DNAH17: variants seen among roughly 807,000 people sequenced by gnomAD.
DNAH17 encodes the protein dynein axonemal heavy chain 17, also known as axonemal beta dynein heavy chain 17.
In DNAH17, 376 loss-of-function variants were observed where a neutral mutation model predicts 485.6. The ratio of observed to expected loss-of-function variants is 0.77; its 90% CI spans 0.71 to 0.84. DNAH17 has a LOEUF of 0.84. DNAH17 is among the 40% of genes least tolerant of loss of function. The pLI, the probability that DNAH17 is intolerant of heterozygous loss-of-function variation, is 0.00. For synonymous variants in DNAH17, 3,031 were observed against 2,405.9 expected, an observed-to-expected ratio of 1.26 and a Z score of -7.60; for missense variants, 6,370 against 5,839.3, an observed-to-expected ratio of 1.09 and a Z score of -2.96.
At chr17:78,491,713 G>T (rs1170261560) in intron 42 of DNAH17, 143 bp from the exon 43 acceptor site, 5 of 1,335,846 alleles carry the variant, frequency 3.7e-6, no homozygotes, top group East Asian at 2.6e-5. Flanking sequence ...GGCATGAGGT[G>T]CCCAGGCTCC....
At chr17:78,500,553 G>A (rs1212697173) in intron 35 of DNAH17, 92 bp from the exon 36 acceptor site, 1 of 1,301,738 alleles carries the variant, frequency 7.7e-7, no homozygotes, top group East Asian at 2.7e-5. Context: ...CTGTCACCCA[G>A]GCTGGAGTGC....
chr17:78,477,645 G>A (rs2089095201), intron 51 of DNAH17, among the ~76,000 whole-genome samples: 1 of 152,156 alleles, frequency 6.6e-6, no homozygotes, highest in Admixed American at 6.5e-5. Flanking sequence ...CCAAAGTGCT[G>A]GGATTACAGG....
intron 16 of DNAH17, among the ~76,000 whole-genome samples, chr17:78,549,234 C>A (rs888086975): frequency 6.6e-6 from 1 of 152,106 alleles, no homozygotes; most frequent in Admixed American, 6.5e-5. Flanking sequence ...TAGGGCCCAC[C>A]CCTGATGAGG....
At chr17:78,520,055 G>A (rs2090895733) in intron 25 of DNAH17, among the ~76,000 whole-genome samples, 1 of 152,066 alleles carries the variant, frequency 6.6e-6, no homozygotes, top group African/African-American at 2.4e-5. Flanking sequence ...AGGTTGCAGT[G>A]AGCCAAAATC....
rs114355601 is a variant in DNAH17, at chr17:78,493,873, G to A, written c.6408+163C>T. The A allele has an allele frequency of 2.5e-3, 2,600 of 1,020,426 alleles. 40 individuals carry two copies. The African/African-American group carries it at 0.036, about 14-fold the overall frequency. The allele number at this position is 1,020,426 out of a possible 1,614,324, so 63.2% of individuals were successfully genotyped here. On this transcript the variant is annotated intron_variant, in intron 41 of 80. Coordinates refer to ENST00000389840, the MANE Select transcript of DNAH17 (RefSeq NM_173628.4). ...GTGGCAGCTCCTCCCCTCCTCCTCGGCCCCCAGCTTCCTCCCTGGCCCATG... is the reference window on the plus strand; with the variant it reads ...GTGGCAGCTCCTCCCCTCCTCCTCGACCCCCAGCTTCCTCCCTGGCCCATG...
At position 78,571,715 on chromosome 17, in the gene DNAH17, G is replaced by T; in HGVS notation, c.607C>A (p.Gln203Lys). ...TCTTTGCTCAGCACATCCCGGATCTGGTGGGACCAGTCGATGATGGTGGTT... is the reference window on the plus strand; with the variant it reads ...TCTTTGCTCAGCACATCCCGGATCTTGTGGGACCAGTCGATGATGGTGGTT... Reference protein sequence around the residue: ...IETTIIDWSHQIRDVLSKDSA... With the variant: ...IETTIIDWSHKIRDVLSKDSA... The change falls in exon 4 of 81, where the codon CAG becomes AAG. Residue 203 changes from glutamine to lysine, a missense_variant. Physicochemically the swap from Gln to Lys is moderately conservative, Grantham distance 53 (BLOSUM62 1). Coordinates refer to ENST00000389840, the MANE Select transcript of DNAH17 (RefSeq NM_173628.4). The T allele has an allele frequency of 6.2e-7, 1 of 1,613,670 alleles. No individual in the cohort carries two copies. Among genetic ancestry groups the T allele is most frequent in the Non-Finnish European group, 8.5e-7 (1 of 1,179,670 alleles).
intron 48 of DNAH17, among the ~76,000 whole-genome samples, chr17:78,483,531 G>C (rs533732020): frequency 6.6e-6 from 1 of 152,180 alleles, no homozygotes. Context: ...TTGGGAGACT[G>C]AGGCAGGAGA....
At position 78,537,419 on chromosome 17, in the gene DNAH17, G is replaced by C; in HGVS notation, c.2739C>G (p.Asn913Lys). ...MELDEDGLTFNPTLEVGSDRG... is the reference protein window; with the variant it reads ...MELDEDGLTFKPTLEVGSDRG... ...GATCTGAGCCCACCTCCAGGGTCGGGTTGAAGGTCAGCCCATCCTCGTCCA... is the reference window on the plus strand; with the variant it reads ...GATCTGAGCCCACCTCCAGGGTCGGCTTGAAGGTCAGCCCATCCTCGTCCA... The change falls in exon 19 of 81, where the codon AAC becomes AAG. Residue 913 changes from asparagine (N) to lysine (K), a missense_variant. Transcript: ENST00000389840. 1 of 1,613,448 alleles carries C rather than the reference G, an allele frequency of 6.2e-7. No individual in the cohort carries two copies. The highest frequency in any genetic ancestry group is 8.5e-7 in the Non-Finnish European group (1 of 1,179,862).
chr17:78,492,690 C>T lies in DNAH17; in HGVS notation c.6484G>A (p.Val2162Ile), dbSNP rs764199004. The change falls in exon 42 of 81, where the codon GTC becomes ATC. Residue 2162 changes from valine to isoleucine, a missense_variant. Physicochemically the swap from Val to Ile is conservative, Grantham distance 29 (BLOSUM62 3). Coordinates refer to ENST00000389840, the MANE Select transcript of DNAH17 (RefSeq NM_173628.4). ...PVAVDLDPKA[V>I]TCDELFGIIN... ...ATGCCAAAGAGCTCGTCGCAGGTGA[C>T]GGCCTTGGGGTCCAGGTCCACGGCG... 3.7e-5 allele frequency: 60 copies of T among 1,613,414 alleles called. No individual in the cohort carries two copies. Among genetic ancestry groups the T allele is most frequent in the Middle Eastern group, 1.6e-4 (1 of 6,062 alleles).
intron 61 of DNAH17, 32 bp from the exon 62 acceptor site, chr17:78,458,712 A>G (rs768559384): frequency 1.3e-6 from 2 of 1,577,642 alleles, no homozygotes; most frequent in South Asian, 2.2e-5. Context: ...CTGCTGGAAA[A>G]CCCCACGAGG....
chr17:78,507,248 T>TC (rs2090510481), intron 29 of DNAH17, 30 bp downstream of exon 29: 1 of 1,611,010 alleles, frequency 6.2e-7, no homozygotes, highest in East Asian at 2.2e-5. Flanking sequence ...CACCACTGAC[T>TC]CCCCTGGTCT....
At chr17:78,484,833 G>C (rs2089524660) in intron 48 of DNAH17, 35 bp downstream of exon 48, 1 of 1,369,438 alleles carries the variant, frequency 7.3e-7, no homozygotes, top group Non-Finnish European at 9.6e-7. Flanking sequence ...CCGCCCCGGG[G>C]CCACGCCTTC....
chr17:78,501,601 G>T, intron 34 of DNAH17, 141 bp downstream of exon 34: 1 of 1,280,524 alleles, frequency 7.8e-7, no homozygotes, highest in Non-Finnish European at 1.1e-6. Context: ...CGGGCAAGGA[G>T]GTTAGGAGGC....
In DNAH17 at chr17:78,514,912, C is replaced by T; in HGVS notation, c.3975G>A (p.Lys1325=). The T allele has an allele frequency of 1.9e-6, 3 of 1,614,074 alleles. No individual in the cohort carries two copies. Among genetic ancestry groups the T allele is most frequent in the Non-Finnish European group, 2.5e-6 (3 of 1,179,902 alleles). The change falls in exon 26 of 81, where the codon AAG becomes AAA. Residue 1325 remains lysine, a synonymous_variant. Transcript: ENST00000389840. ...KFAKDMRSLD[K]EMKTWDAFVG... is the part of the protein sequence containing the mutation. ...CGAAGGCATCCCAGGTTTTCATCTC[C>T]TTGTCCAAAGACCTCATGTCCTTGG...
chr17:78,444,538 G>A (rs758410500), intron 71 of DNAH17, 66 bp downstream of exon 71: 19 of 1,442,282 alleles, frequency 1.3e-5, no homozygotes, highest in South Asian at 9.6e-5. Flanking sequence ...TAGCACAGCC[G>A]CTCGGTCAAG....
chr17:78,496,358 G>A (rs112472342), intron 37 of DNAH17, among the ~76,000 whole-genome samples: 2 of 80,188 alleles, frequency 2.5e-5, no homozygotes, highest in South Asian at 1.3e-3. Context: ...GACAGTGATT[G>A]GGGGGAAGAA....
At position 78,501,790 on chromosome 17, in the gene DNAH17, G is replaced by A. The variant is rs751171781; in HGVS notation, c.5274C>T (p.Thr1758=). 2 of 1,613,838 alleles carry A rather than the reference G, an allele frequency of 1.2e-6. No homozygotes were observed. Among genetic ancestry groups the A allele is most frequent in the African/African-American group, 1.3e-5 (1 of 74,934 alleles). The change falls in exon 34 of 81, where the codon ACC becomes ACT. Residue 1758 remains threonine, a synonymous_variant. Transcript: ENST00000389840. ...GDRMKIMTIC[T]IDVHARDVVA... ...CCACGTCCCGTGCGTGCACATCGAT[G>A]GTGCAGATGGTCATGATCTTCATCC...
Position 78,427,052 on chromosome 17 carries a change from A to T in DNAH17, c.12645T>A (p.Ala4215=). The T allele has an allele frequency of 6.3e-7, 1 of 1,599,950 alleles. No homozygotes were observed. Among genetic ancestry groups the T allele is most frequent in the Non-Finnish European group, 8.5e-7 (1 of 1,173,508 alleles). ...LEKIPETFNM[A]EIMAKAAEKT... is the part of the protein sequence containing the mutation. ...TTTCCGCTGCCTTTGCCATGATCTC[A>T]GCCATGTTGAAAGTCTCCGGAATCT... is the stretch of plus-strand genomic sequence containing the variant. Residue 4215 remains alanine (A), a synonymous_variant, in exon 78 of 81, where the codon GCT becomes GCA. Transcript: ENST00000389840.
Position 78,475,290 on chromosome 17 carries a change from G to T in DNAH17, c.8499C>A (p.Ile2833=). Residue 2833 remains isoleucine, a synonymous_variant, in exon 54 of 81, where the codon ATC becomes ATA. Transcript: ENST00000389840. ...FQITLKKGYG[I]PDLKIDLAAQ... ...AGTAAGCTCTCACCTTGAGGTCGGG[G>T]ATCCCGTAGCCCTTCTTGAGGGTGA... is the stretch of plus-strand genomic sequence containing the variant. 1.2e-6 allele frequency: 2 copies of T among 1,613,984 alleles called. No homozygotes were observed. The highest frequency in any genetic ancestry group is 1.7e-5 in the Admixed American group (1 of 60,014).
Sources: gnomAD v4.1 joint callset for allele counts (sites outside exome capture counted in the v4.1 genomes callset) on GRCh38, gnomAD v4.1.1 for gene constraint, MANE v1.5 for transcripts, NCBI Gene and HGNC (gene_info 2026-07-23, HGNC 2026-07-21) for gene names.